Variants in PTPRG observed in about 807,000 individuals in gnomAD.
PTPRG encodes receptor-type tyrosine-protein phosphatase gamma.
A neutral mutation model predicts 165.3 loss-of-function variants in PTPRG; 102 were observed. The ratio of observed to expected loss-of-function variants is 0.62; its 90% CI spans 0.53 to 0.73. The LOEUF is 0.73. Among genes scored for constraint, PTPRG ranks in the 30% least tolerant of loss-of-function variants. PTPRG has a pLI of 0.00. For missense variants in PTPRG, 1,866 were observed against 1,861.4 expected, an observed-to-expected ratio of 1.00 and a Z score of -0.05; for synonymous variants, 675 against 669.5, an observed-to-expected ratio of 1.01 and a Z score of -0.13.
intron 1 of PTPRG, among the ~76,000 whole-genome samples, chr3:61,676,561 A>AAC (rs973257088): frequency 1.3e-5 from 2 of 150,418 alleles, no homozygotes; most frequent in Non-Finnish European, 3.0e-5. Context: ...CACACACACA[A>AAC]ACACACACAC....
At position 61,606,269 on chromosome 3, in the gene PTPRG, G is replaced by A. The variant is rs1701002980; in HGVS notation, c.85+43897G>A. On this transcript the variant is annotated intron_variant, in intron 1 of 29. Transcript: ENST00000474889. ...ACTGAGGCCTCAGCTCCTGAAGGAT[G>A]CCTGCCTTTGCCTGCGACGTGGCTG... is the stretch of plus-strand genomic sequence containing the variant. 6.6e-5 allele frequency among the ~76,000 whole-genome samples: 10 copies of A among 152,288 alleles called. 1 individual carries two copies. In the South Asian group the frequency reaches 2.1e-3, roughly 32 times the overall value.
intron 3 of PTPRG, among the ~76,000 whole-genome samples, chr3:61,992,166 C>G (rs1443656977): frequency 6.6e-6 from 1 of 152,084 alleles, no homozygotes; most frequent in African/African-American, 2.4e-5. Flanking sequence ...ATTGTAAATA[C>G]TCTAAGATGA....
chr3:62,281,617 G>C lies in PTPRG; in HGVS notation c.3820G>C (p.Ala1274Pro). The C allele has an allele frequency of 1.3e-6, 2 of 1,578,634 alleles. No individual in the cohort carries two copies. Among genetic ancestry groups the C allele is most frequent in the Non-Finnish European group, 1.7e-6 (2 of 1,162,704 alleles). ...TCGAGAAGAATCCATGAACTGTGAG[G>C]CCTTTACCGTCACCCTTATCAGCAA... ...PSREESMNCE[A>P]FTVTLISKDR... Residue 1274 changes from alanine (A) to proline (P), a missense_variant, in exon 27 of 30, where the codon GCC (alanine) becomes CCC (proline). This residue lies in a region of PTPRG where 1,452 missense variants were observed against 1,463.0 expected (regional missense o/e 0.99). Transcript: ENST00000474889.
In PTPRG at chr3:61,651,021, C is replaced by T. The variant is rs117444003; in HGVS notation, c.85+88649C>T. ...ATGACTCTGCTGACTCTAATGGCTC[C>T]GATAAATTACACATTTATCTGTGTG... On this transcript the variant is annotated intron_variant, in intron 1 of 29. Coordinates refer to ENST00000474889, the MANE Select transcript of PTPRG (RefSeq NM_002841.4). Among the ~76,000 whole-genome samples the T allele has an allele frequency of 3.4e-3, 510 of 152,164 alleles. 15 individuals carry two copies. The East Asian group carries it at 0.052, about 16-fold the overall frequency.
At chr3:61,614,576 AT>A (rs1701256565) in intron 1 of PTPRG, among the ~76,000 whole-genome samples, 1 of 151,652 alleles carries the variant, frequency 6.6e-6, no homozygotes, top group African/African-American at 2.4e-5. Flanking sequence ...CGCCCAGCTA[AT>A]TTTTTTGGTG....
chr3:62,082,424 T>C (rs1701613246), intron 5 of PTPRG, among the ~76,000 whole-genome samples: 1 of 152,236 alleles, frequency 6.6e-6, no homozygotes, highest in African/African-American at 2.4e-5. Context: ...CTTTGCCCCA[T>C]TGTGGCTCAC....
At position 62,051,565 on chromosome 3, in the gene PTPRG, C is replaced by T. The variant is rs527329388; in HGVS notation, c.520-26598C>T. 5.2e-3 allele frequency among the ~76,000 whole-genome samples: 799 copies of T among 152,208 alleles called. 10 individuals carry two copies. The highest frequency in any genetic ancestry group is 4.9e-3 in the Non-Finnish European group (333 of 68,006). ...TATATTAAATTCAGATTCCAGGGCCCCCCTTGAGACCTATTCAAATTTCTA... is the reference window on the plus strand; with the variant it reads ...TATATTAAATTCAGATTCCAGGGCCTCCCTTGAGACCTATTCAAATTTCTA... On this transcript the variant is annotated intron_variant, in intron 4 of 29. Transcript: ENST00000474889.
chr3:61,667,352 G>C (rs1702838312), intron 1 of PTPRG, among the ~76,000 whole-genome samples: 2 of 152,142 alleles, frequency 1.3e-5, no homozygotes, highest in African/African-American at 4.8e-5. Flanking sequence ...TTCCTTCTAA[G>C]TTTTCCTAGA....
chr3:62,040,323 G>T (rs917800669), intron 4 of PTPRG, among the ~76,000 whole-genome samples: 5 of 152,156 alleles, frequency 3.3e-5, no homozygotes, highest in African/African-American at 7.2e-5. Flanking sequence ...TACTTATCTG[G>T]CAGTGAGCAC....
In PTPRG at chr3:61,604,705, G is replaced by A. The variant is rs1056331871; in HGVS notation, c.85+42333G>A. ...ACGCAGGTCTGTGACCTTTTGTATT[G>A]TAACACTGCCATTCATCAGCTTGCT... is the stretch of plus-strand genomic sequence containing the variant. On this transcript the variant is annotated intron_variant, in intron 1 of 29. Transcript: ENST00000474889. Among the ~76,000 whole-genome samples, 9 of 152,024 alleles carry A rather than the reference G, an allele frequency of 5.9e-5. No homozygotes were observed. In the South Asian group the frequency reaches 1.0e-3, roughly 17 times the overall value.
intron 1 of PTPRG, among the ~76,000 whole-genome samples, chr3:61,566,466 A>G (rs906950345): frequency 2.0e-5 from 3 of 152,242 alleles, no homozygotes; most frequent in African/African-American, 4.8e-5. Flanking sequence ...GTAGTTACTC[A>G]GGAGCCTCTC....
chr3:62,082,326 C>T (rs1701609901), intron 5 of PTPRG, among the ~76,000 whole-genome samples: 1 of 152,100 alleles, frequency 6.6e-6, no homozygotes, highest in African/African-American at 2.4e-5. Flanking sequence ...AATGTTGCCC[C>T]CCAAAAGCAC....
intron 16 of PTPRG, among the ~76,000 whole-genome samples, chr3:62,259,881 G>A (rs1211547144): frequency 6.6e-6 from 1 of 152,126 alleles, no homozygotes; most frequent in Non-Finnish European, 1.5e-5. Context: ...CAAAGGGTAT[G>A]GAGTTAATAT....
chr3:62,171,613 G>T (rs1036181901), intron 8 of PTPRG, among the ~76,000 whole-genome samples: 1 of 151,844 alleles, frequency 6.6e-6, no homozygotes, highest in African/African-American at 2.4e-5. Flanking sequence ...GTCTGGTTTT[G>T]TCTTTCACTT....
intron 5 of PTPRG, among the ~76,000 whole-genome samples, chr3:62,081,707 T>C (rs972623606): frequency 2.0e-5 from 3 of 152,200 alleles, no homozygotes; most frequent in African/African-American, 7.2e-5. Flanking sequence ...TGTCATGCAA[T>C]GCAAATAAAA....
At chr3:62,115,167 G>C (rs911103662) in intron 5 of PTPRG, among the ~76,000 whole-genome samples, 1 of 152,178 alleles carries the variant, frequency 6.6e-6, no homozygotes, top group Non-Finnish European at 1.5e-5. Context: ...ATCCATACCT[G>C]AGTGACCTGA....
At chr3:61,749,401 C>T (rs904645978) in intron 2 of PTPRG, 3 of 284,678 alleles carry the variant, frequency 1.1e-5, no homozygotes, top group Non-Finnish European at 2.0e-5. Context: ...AGGCTCTAAG[C>T]CAAGAAATGC....
intron 1 of PTPRG, among the ~76,000 whole-genome samples, chr3:61,747,936 A>G (rs916403048): frequency 1.3e-5 from 2 of 152,078 alleles, no homozygotes; most frequent in East Asian, 1.9e-4. Context: ...CTTATACATC[A>G]GTGTTTTCAG....
chr3:61,976,334 G>T (rs1297401367), intron 2 of PTPRG, among the ~76,000 whole-genome samples: 1 of 152,122 alleles, frequency 6.6e-6, no homozygotes, highest in Non-Finnish European at 1.5e-5. Flanking sequence ...TGTGAATGTT[G>T]CCAGGAGGCA....
Sources: gnomAD v4.1 joint callset for allele counts (sites outside exome capture counted in the v4.1 genomes callset) on GRCh38, gnomAD v4.1.1 for gene constraint, gnomAD v4.1.1 regional missense constraint, MANE v1.5 for transcripts, NCBI Gene and HGNC (gene_info 2026-07-23, HGNC 2026-07-21) for gene names.